Variants in SLC24A4 observed in about 807,000 individuals in gnomAD.
The protein encoded by SLC24A4 is sodium/potassium/calcium exchanger 4.
Under a neutral mutation model 79.0 loss-of-function variants are expected in SLC24A4, and 53 were observed. The observed-to-expected ratio is 0.67, with a 90% confidence interval of 0.54 to 0.84. SLC24A4 has a LOEUF of 0.84. SLC24A4 is among the 40% of genes least tolerant of loss of function. The pLI, the probability that SLC24A4 is intolerant of heterozygous loss-of-function variation, is 0.00. For missense variants in SLC24A4, 731 were observed against 822.0 expected, an observed-to-expected ratio of 0.89 and a Z score of 1.35; for synonymous variants, 323 against 323.8, an observed-to-expected ratio of 1.00 and a Z score of 0.03.
At chr14:92,418,375 A>G (rs533679413) in intron 2 of SLC24A4, among the ~76,000 whole-genome samples, 1 of 151,372 alleles carries the variant, frequency 6.6e-6, no homozygotes, top group East Asian at 1.9e-4. Flanking sequence ...GTGGCTCCTC[A>G]CTCTTCCCAT....
chr14:92,492,386 A>C (rs902043638), intron 16 of SLC24A4, 146 bp downstream of exon 16: 1 of 740,792 alleles, frequency 1.3e-6, no homozygotes, highest in Non-Finnish European at 2.2e-6. Context: ...GTTCATAGAC[A>C]CACCCAAGTC....
At chr14:92,325,032 A>G (rs980272550) in intron 1 of SLC24A4, among the ~76,000 whole-genome samples, 3 of 152,212 alleles carry the variant, frequency 2.0e-5, no homozygotes, top group African/African-American at 7.2e-5. Flanking sequence ...TATTTTGAAT[A>G]TCTTAGTACC....
intron 2 of SLC24A4, among the ~76,000 whole-genome samples, chr14:92,372,238 T>C (rs576593704): frequency 7.9e-5 from 12 of 152,308 alleles, no homozygotes; most frequent in Admixed American, 3.3e-4. Flanking sequence ...TCCCAGCCCC[T>C]GGGACCTGGG....
chr14:92,383,594 A>G (rs1327721095), intron 2 of SLC24A4, among the ~76,000 whole-genome samples: 1 of 152,180 alleles, frequency 6.6e-6, no homozygotes, highest in African/African-American at 2.4e-5. Flanking sequence ...GCTAGTGCCA[A>G]CGTGCTTGCT....
rs1566700223 is a variant in SLC24A4, at chr14:92,343,654, T to TCCC, written c.241+17676_241+17677insCCC. On this transcript the variant is annotated intron_variant, in intron 2 of 16. Transcript: ENST00000532405. ...TTTCTTTCTTTCTCTCTTTCCTTCT[T>TCCC]TCCTTCCTTCCTTCCTTCCTTCCTT... is the stretch of plus-strand genomic sequence containing the variant. Among the ~76,000 whole-genome samples, 186 of 77,086 alleles carry TCCC rather than the reference T, an allele frequency of 2.4e-3. 1 individual carries two copies. Among genetic ancestry groups the TCCC allele is most frequent in the African/African-American group, 0.011 (173 of 15,398 alleles). The allele number at this position is 77,086 out of a possible 152,430, so 50.6% of individuals were successfully genotyped here. A position where few individuals can be genotyped will look rare whatever the true frequency, so the allele number is the denominator to read the frequency against.
rs200971896 is a variant in SLC24A4, at chr14:92,441,355, C to G, written c.394-734C>G. Among the ~76,000 whole-genome samples the G allele has an allele frequency of 5.3e-3, 803 of 152,334 alleles. 11 individuals are homozygous for G. Among genetic ancestry groups the G allele is most frequent in the East Asian group, 0.036 (186 of 5,180 alleles). ...GGATGGGCTCTGTGGCCAGACATGA[C>G]CCGGACAGGCAGAACAGGCCCCAAC... On this transcript the variant is annotated intron_variant, in intron 4 of 16. Transcript: ENST00000532405. This position sits in a 1 kb window ranked among gnomAD's most constrained non-coding sequence, Gnocchi z 4.6.
intron 12 of SLC24A4, among the ~76,000 whole-genome samples, chr14:92,478,716 G>A (rs1415784545): frequency 1.3e-5 from 2 of 151,344 alleles, no homozygotes; most frequent in Non-Finnish European, 2.9e-5. Flanking sequence ...TGAATTTTAG[G>A]CTCAGCTTGT....
chr14:92,419,540 T>C (rs1316508715), intron 2 of SLC24A4, among the ~76,000 whole-genome samples: 8 of 152,214 alleles, frequency 5.3e-5, no homozygotes. Context: ...GGCTAATTGG[T>C]GTTCATTTTT....
At chr14:92,337,118 G>A (rs1261744909) in intron 2 of SLC24A4, among the ~76,000 whole-genome samples, 1 of 151,906 alleles carries the variant, frequency 6.6e-6, no homozygotes, top group Non-Finnish European at 1.5e-5. Context: ...CATGGGGAGG[G>A]GGTGGCAGTG....
At chr14:92,407,090 T>C (rs1890430682) in intron 2 of SLC24A4, among the ~76,000 whole-genome samples, 1 of 152,224 alleles carries the variant, frequency 6.6e-6, no homozygotes, top group African/African-American at 2.4e-5. Flanking sequence ...GACTTTCTTT[T>C]GCTAGATACC....
intron 2 of SLC24A4, 72 bp downstream of exon 2, chr14:92,326,050 G>C: frequency 9.3e-7 from 1 of 1,080,692 alleles, no homozygotes; most frequent in Non-Finnish European, 1.4e-6. Context: ...GCTTATGTGG[G>C]TGGTTACAGC....
At chr14:92,446,955 C>A (rs1443398433) in intron 8 of SLC24A4, among the ~76,000 whole-genome samples, 1 of 152,238 alleles carries the variant, frequency 6.6e-6, no homozygotes, top group East Asian at 1.9e-4. Flanking sequence ...GGGCCCCTTT[C>A]CTCCCACACC....
chr14:92,451,848 C>G (rs1893159171), intron 10 of SLC24A4: 1 of 152,516 alleles, frequency 6.6e-6, no homozygotes, highest in South Asian at 2.1e-4. Context: ...CCAGGCTGCC[C>G]TGGCCCTGGG....
chr14:92,415,165 T>A (rs958349172), intron 2 of SLC24A4, among the ~76,000 whole-genome samples: 8 of 152,226 alleles, frequency 5.3e-5, no homozygotes, highest in Non-Finnish European at 8.8e-5. Flanking sequence ...AGGGCTGGAC[T>A]TGTTCTTTTC....
At chr14:92,474,812 CAT>C (rs1894649311) in intron 12 of SLC24A4, among the ~76,000 whole-genome samples, 2 of 30,658 alleles carry the variant, frequency 6.5e-5, no homozygotes, top group African/African-American at 1.1e-4. Flanking sequence ...TACATATATA[CAT>C]ATATATACAT....
rs1893293841 is a variant in SLC24A4, at chr14:92,453,813, T to C, written c.881-87T>C. On this transcript the variant is annotated intron_variant, in intron 10 of 16. Transcript: ENST00000532405. ...TGCCAGGACCACAGCCTAGGGCAGCTCACAAGGTGAGGGGAAGTCAGTGGC... is the reference window on the plus strand; with the variant it reads ...TGCCAGGACCACAGCCTAGGGCAGCCCACAAGGTGAGGGGAAGTCAGTGGC... 10 of 1,440,912 alleles carry C rather than the reference T, an allele frequency of 6.9e-6. No homozygotes were observed. The South Asian group carries it at 1.0e-4, about 15-fold the overall frequency. 89.3% of individuals were successfully genotyped at this position (1,440,912 alleles called of 1,614,324 possible).
chr14:92,349,531 C>T (rs545737064), intron 2 of SLC24A4, among the ~76,000 whole-genome samples: 1 of 152,298 alleles, frequency 6.6e-6, no homozygotes, highest in South Asian at 2.1e-4. Context: ...TGTAGATTGG[C>T]ATGAAGTTGT....
At chr14:92,338,687 T>G (rs1225263940) in intron 2 of SLC24A4, among the ~76,000 whole-genome samples, 1 of 152,184 alleles carries the variant, frequency 6.6e-6, no homozygotes, top group African/African-American at 2.4e-5. Context: ...GCTCTGTACC[T>G]AAGATATCTG....
At chr14:92,475,075 A>G (rs766451697) in intron 12 of SLC24A4, among the ~76,000 whole-genome samples, 31 of 151,432 alleles carry the variant, frequency 2.0e-4, no homozygotes, top group Non-Finnish European at 4.0e-4. Flanking sequence ...AGACTCTTCT[A>G]TTGACAAATA....
Sources: allele counts gnomAD v4.1 joint callset (sites outside exome capture counted in the v4.1 genomes callset), GRCh38; gene constraint gnomAD v4.1.1; non-coding constraint Gnocchi (gnomAD v3.1); transcripts MANE v1.5; gene names NCBI Gene and HGNC (gene_info 2026-07-23, HGNC 2026-07-21).